Variants in PALM2AKAP2 observed in about 807,000 individuals in gnomAD.
PALM2AKAP2 encodes PALM2-AKAP2 fusion protein.
In PALM2AKAP2, 37 loss-of-function variants were observed where a neutral mutation model predicts 71.5. The observed-to-expected ratio is 0.52, with a 90% CI of 0.40 to 0.68. PALM2AKAP2 has a LOEUF of 0.68. PALM2AKAP2 is among the 30% of genes least tolerant of loss of function. The pLI is 0.00. For synonymous variants in PALM2AKAP2, 468 were observed against 478.8 expected (o/e 0.98, Z 0.29); for missense variants, 1,224 against 1,191.8 (o/e 1.03, Z -0.40).
intron 1 of PALM2AKAP2, among the ~76,000 whole-genome samples, chr9:110,056,238 G>A (rs150366209): frequency 4.6e-5 from 7 of 152,286 alleles, no homozygotes; most frequent in Non-Finnish European, 7.4e-5. Context: ...TTTTCAGCCC[G>A]CCTCCCAGTG....
chr9:109,915,306 G>A (rs930593682), intron 3 of PALM2AKAP2, among the ~76,000 whole-genome samples: 4 of 152,250 alleles, frequency 2.6e-5, no homozygotes, highest in Non-Finnish European at 5.9e-5. Context: ...TGAAATAATC[G>A]TTGGGTGGAG....
At chr9:109,865,392 T>G (rs1365201059) in intron 1 of PALM2AKAP2, among the ~76,000 whole-genome samples, 1 of 152,082 alleles carries the variant, frequency 6.6e-6, no homozygotes, top group Non-Finnish European at 1.5e-5. Flanking sequence ...AGCCACTGTG[T>G]GCCCGGCCCT....
chr9:109,941,379 G>C (rs1354564112), intron 6 of PALM2AKAP2, among the ~76,000 whole-genome samples: 1 of 152,134 alleles, frequency 6.6e-6, no homozygotes, highest in African/African-American at 2.4e-5. Flanking sequence ...AGAAATGGTG[G>C]TGAGGAGATG....
chr9:110,046,618 G>A (rs966488254), upstream of PALM2AKAP2, among the ~76,000 whole-genome samples: 15 of 151,888 alleles, frequency 9.9e-5, no homozygotes, highest in African/African-American at 3.1e-4. Context: ...GAAGGCATGC[G>A]CCACCACGCT....
At chr9:109,721,913 T>C (rs1186279757) in intron 1 of PALM2AKAP2, among the ~76,000 whole-genome samples, 1 of 152,254 alleles carries the variant, frequency 6.6e-6, no homozygotes, top group Non-Finnish European at 1.5e-5. Flanking sequence ...ATTAGATTTC[T>C]TAAAATGCTA....
intron 1 of PALM2AKAP2, among the ~76,000 whole-genome samples, chr9:109,690,431 C>T (rs1020485762): frequency 6.6e-6 from 1 of 152,206 alleles, no homozygotes; most frequent in African/African-American, 2.4e-5. Context: ...CATCTGTTCT[C>T]TGCTCCAAAT....
At chr9:110,036,204 G>A (rs1303384018) in intron 7 of PALM2AKAP2, among the ~76,000 whole-genome samples, 4 of 152,062 alleles carry the variant, frequency 2.6e-5, no homozygotes, top group African/African-American at 9.7e-5. Flanking sequence ...CAAAGTGCTG[G>A]GATTACAGGC....
chr9:110,056,060 G>A (rs370926022), intron 1 of PALM2AKAP2, among the ~76,000 whole-genome samples: 2 of 152,300 alleles, frequency 1.3e-5, no homozygotes, highest in African/African-American at 4.8e-5. Context: ...CACCCAGTAG[G>A]GGGCAGGGAG....
At chr9:109,648,911 A>T (rs1310569271) in intron 1 of PALM2AKAP2, among the ~76,000 whole-genome samples, 1 of 152,262 alleles carries the variant, frequency 6.6e-6, no homozygotes, top group Non-Finnish European at 1.5e-5. Flanking sequence ...GTATAAAATT[A>T]TAGAATCATG....
At chr9:109,739,880 A>C (rs765436025) in intron 1 of PALM2AKAP2, among the ~76,000 whole-genome samples, 1 of 152,182 alleles carries the variant, frequency 6.6e-6, no homozygotes, top group Non-Finnish European at 1.5e-5. Flanking sequence ...TCCCACCCGG[A>C]ACACAAAATA....
At chr9:109,700,214 G>A (rs959376431) in intron 1 of PALM2AKAP2, among the ~76,000 whole-genome samples, 22 of 152,226 alleles carry the variant, frequency 1.4e-4, no homozygotes, top group African/African-American at 4.3e-4. Context: ...TAATCCCCAC[G>A]TGTCATGGGA....
At chr9:109,844,523 A>T (rs1427459887) in intron 1 of PALM2AKAP2, among the ~76,000 whole-genome samples, 1 of 152,236 alleles carries the variant, frequency 6.6e-6, no homozygotes, top group Non-Finnish European at 1.5e-5. Flanking sequence ...GTTATGTAAG[A>T]TGTTAGGATT....
At chr9:109,662,017 G>T (rs1270299860) in intron 1 of PALM2AKAP2, among the ~76,000 whole-genome samples, 1 of 152,180 alleles carries the variant, frequency 6.6e-6, no homozygotes, top group Non-Finnish European at 1.5e-5. Flanking sequence ...CATTGATTTT[G>T]TATCCTGAGA....
At chr9:109,709,424 G>A (rs767149902) in intron 1 of PALM2AKAP2, among the ~76,000 whole-genome samples, 2 of 152,190 alleles carry the variant, frequency 1.3e-5, no homozygotes, top group Non-Finnish European at 2.9e-5. Flanking sequence ...TCCCCTGGAT[G>A]CTGCTTGCTC....
intron 1 of PALM2AKAP2, among the ~76,000 whole-genome samples, chr9:110,057,629 C>T (rs1402218466): frequency 3.3e-5 from 5 of 152,024 alleles, no homozygotes; most frequent in East Asian, 1.9e-4. Context: ...CCGCCTGCCT[C>T]GGCCTCCCAA....
intron 1 of PALM2AKAP2, among the ~76,000 whole-genome samples, chr9:109,735,398 C>T (rs1429461899): frequency 1.3e-5 from 2 of 151,822 alleles, no homozygotes; most frequent in Non-Finnish European, 2.9e-5. Flanking sequence ...GGTCATGTTT[C>T]AAAGGCTTCC....
intron 1 of PALM2AKAP2, among the ~76,000 whole-genome samples, chr9:109,817,396 G>A (rs1316736955): frequency 6.6e-6 from 1 of 152,222 alleles, no homozygotes; most frequent in East Asian, 1.9e-4. Context: ...ATCACTGTGA[G>A]TCACAAGGGT....
At chr9:109,943,619 T>G (rs1307315416) in intron 6 of PALM2AKAP2, 2 of 706,980 alleles carry the variant, frequency 2.8e-6, no homozygotes, top group Non-Finnish European at 4.6e-6. Flanking sequence ...TGTGCTTCAT[T>G]CTCTCCAAGA....
At chr9:110,014,851 T>TACACACACACACACAC (rs1360117476) in intron 6 of PALM2AKAP2, among the ~76,000 whole-genome samples, 1 of 89,536 alleles carries the variant, frequency 1.1e-5, no homozygotes, top group African/African-American at 4.2e-5. Flanking sequence ...TATATATATA[T>TACACACACACACACAC]ACACACACAC....
Sources: allele counts gnomAD v4.1 joint callset (sites outside exome capture counted in the v4.1 genomes callset), GRCh38; gene constraint gnomAD v4.1.1; transcripts MANE v1.5; gene names NCBI Gene and HGNC (gene_info 2026-07-23, HGNC 2026-07-21).